Variants in SYCP2L observed in about 807,000 individuals in gnomAD.
SYCP2L encodes the protein synaptonemal complex protein 2 like, also known as synaptonemal complex protein 2-like.
A neutral mutation model predicts 125.8 loss-of-function variants in SYCP2L; 98 were observed. The observed-to-expected ratio is 0.78, with a 90% confidence interval of 0.66 to 0.92. The LOEUF (loss-of-function observed/expected upper bound fraction) is 0.92, where lower values mean the gene tolerates loss of function less well. SYCP2L is among the 40% of genes least tolerant of loss of function. The pLI is 0.00. For missense variants in SYCP2L, 842 were observed against 936.4 expected (o/e 0.90, Z 1.32); for synonymous variants, 317 against 325.4 (o/e 0.97, Z 0.28).
At position 10,924,499 on chromosome 6, in the gene SYCP2L, C is replaced by T. The variant is rs368602571; in HGVS notation, c.1076C>T (p.Thr359Met). Reference protein sequence around the residue: ...EAVMNFSITETEKIKIFIIYL... With the variant: ...EAVMNFSITEMEKIKIFIIYL... ...GATATTCCATATTTTCTCTTAGAAA[C>T]GGAGAAGATAAAGATATTTATCATT... Residue 359 changes from threonine to methionine, a missense_variant, in exon 15 of 30, where the codon ACG (threonine) becomes ATG (methionine). Transcript: ENST00000283141. 5.7e-5 allele frequency: 89 copies of T among 1,563,122 alleles called. No homozygotes were observed. Among genetic ancestry groups the T allele is most frequent in the African/African-American group, 2.5e-4 (18 of 71,768 alleles).
chr6:10,893,678 G>C (rs1780211042), intron 2 of SYCP2L, among the ~76,000 whole-genome samples, 189 bp from the exon 3 acceptor site: 1 of 152,124 alleles, frequency 6.6e-6, no homozygotes. Flanking sequence ...GGGAACTCTT[G>C]TCTTAAACCA....
At chr6:10,906,600 A>C (rs1215880640) in intron 9 of SYCP2L, among the ~76,000 whole-genome samples, 2 of 139,564 alleles carry the variant, frequency 1.4e-5, no homozygotes, top group African/African-American at 5.2e-5. Context: ...TGTAGTAGAA[A>C]CTTTTTTTTT....
At chr6:10,888,066 CTTTTTTTTTTTTTTTTTTTTT>C (rs70991066) in intron 1 of SYCP2L, among the ~76,000 whole-genome samples, 2,131 of 74,258 alleles carry the variant, frequency 0.029, 146 homozygotes, top group African/African-American at 0.065. Flanking sequence ...GTGTTACCAT[CTTTTTTTTTTTTTTTTTTTTT>C]TTTTTTTTTT....
At chr6:10,922,482 T>C (rs76116258) in intron 14 of SYCP2L, among the ~76,000 whole-genome samples, 29 of 151,420 alleles carry the variant, frequency 1.9e-4, no homozygotes, top group African/African-American at 6.6e-4. Context: ...TTTTTTTTTT[T>C]TGAGACGAAG....
intron 16 of SYCP2L, 104 bp from the exon 17 acceptor site, chr6:10,927,136 C>A: frequency 6.6e-7 from 1 of 1,507,250 alleles, no homozygotes; most frequent in Admixed American, 2.2e-5. Context: ...CCAGGTCTTA[C>A]CAAAGGATGG....
rs200568608 is a variant in SYCP2L at position 10,963,775 on chromosome 6, C to T, written c.2415-7C>T. 110 of 1,613,682 alleles carry T rather than the reference C, an allele frequency of 6.8e-5. No individual in the cohort carries two copies. The East Asian group carries it at 2.1e-3, about 31-fold the overall frequency. On this transcript the variant is annotated splice_region_variant and splice_polypyrimidine_tract_variant and intron_variant, in intron 28 of 29. Transcript: ENST00000283141. ...AATATAATAAGAGATGGACCAATTTCTTCCAGGTTCAATTCAACTCAGACT... is the reference window on the plus strand; with the variant it reads ...AATATAATAAGAGATGGACCAATTTTTTCCAGGTTCAATTCAACTCAGACT...
intron 23 of SYCP2L, among the ~76,000 whole-genome samples, chr6:10,952,385 G>A (rs1781426940): frequency 6.6e-6 from 1 of 152,176 alleles, no homozygotes; most frequent in African/African-American, 2.4e-5. Flanking sequence ...ATGATCCCTT[G>A]TTAGTAGGTT....
chr6:10,929,299 C>T (rs1298267261), intron 18 of SYCP2L, among the ~76,000 whole-genome samples: 1 of 152,094 alleles, frequency 6.6e-6, no homozygotes, highest in Non-Finnish European at 1.5e-5. Context: ...ACTGAAGGAG[C>T]CTAATGTTTG....
rs550103714 is a variant in SYCP2L at position 10,941,790 on chromosome 6, C to T, written c.1814-669C>T. On this transcript the variant is annotated intron_variant, in intron 21 of 29. Transcript: ENST00000283141. ...AACTAGAAATACCATTTGACCCAGCCATCCCATTACTGGGTATATACCCAA... is the reference window on the plus strand; with the variant it reads ...AACTAGAAATACCATTTGACCCAGCTATCCCATTACTGGGTATATACCCAA... 5.2e-3 allele frequency among the ~76,000 whole-genome samples: 787 copies of T among 152,238 alleles called. 4 individuals are homozygous for T. Among genetic ancestry groups the T allele is most frequent in the African/African-American group, 0.018 (733 of 41,514 alleles).
At chr6:10,957,722 T>C (rs1781523664) in intron 25 of SYCP2L, among the ~76,000 whole-genome samples, 1 of 152,136 alleles carries the variant, frequency 6.6e-6, no homozygotes, top group Non-Finnish European at 1.5e-5. Context: ...GAAGCTGAGG[T>C]AAGAGAATCC....
intron 9 of SYCP2L, among the ~76,000 whole-genome samples, chr6:10,906,660 C>T (rs1040627342): frequency 1.3e-4 from 20 of 151,030 alleles, no homozygotes; most frequent in African/African-American, 2.4e-4. Flanking sequence ...TGCAATGGCG[C>T]GATCTCGGCT....
chr6:10,940,806 T>C (rs745321560), intron 21 of SYCP2L, among the ~76,000 whole-genome samples: 7 of 152,146 alleles, frequency 4.6e-5, no homozygotes, highest in Non-Finnish European at 1.0e-4. Flanking sequence ...TGATAATCAT[T>C]ACACCGTATA....
chr6:10,902,864 A>G lies in SYCP2L; in HGVS notation c.553-11A>G, dbSNP rs1346131923. The G allele has an allele frequency of 1.9e-6, 3 of 1,613,930 alleles. No individual in the cohort carries two copies. Among genetic ancestry groups the G allele is most frequent in the Non-Finnish European group, 2.5e-6 (3 of 1,179,922 alleles). ...TTTCTTCTCCATGAATGTCTTCTCA[A>G]TTCCAAAAAGGGCTTGAAGACTTTT... On this transcript the variant is annotated splice_polypyrimidine_tract_variant and intron_variant, in intron 7 of 29. Transcript: ENST00000283141.
intron 29 of SYCP2L, among the ~76,000 whole-genome samples, chr6:10,971,502 T>C (rs1781773518): frequency 6.6e-6 from 1 of 151,684 alleles, no homozygotes; most frequent in Admixed American, 6.6e-5. Context: ...GGAGTTACTT[T>C]GTGAAACAAA....
chr6:10,891,241 ATTAT>A (rs1780166299), intron 1 of SYCP2L, among the ~76,000 whole-genome samples: 2 of 152,056 alleles, frequency 1.3e-5, no homozygotes, highest in African/African-American at 2.4e-5. Flanking sequence ...ATTTTGTGTG[ATTAT>A]TTATTCAAAT....
chr6:10,973,471 G>A (rs1235199480), intron 29 of SYCP2L, among the ~76,000 whole-genome samples: 1 of 152,190 alleles, frequency 6.6e-6, no homozygotes, highest in Non-Finnish European at 1.5e-5. Flanking sequence ...AGCAGAGGTT[G>A]CAGTAAGCCA....
intron 14 of SYCP2L, among the ~76,000 whole-genome samples, chr6:10,922,375 AGTAT>A: frequency 6.6e-6 from 1 of 151,854 alleles, no homozygotes; most frequent in East Asian, 1.9e-4. Context: ...TTGGCAGTGT[AGTAT>A]GTTGGAAGCT....
chr6:10,895,255 C>A (rs1399702214), intron 4 of SYCP2L, among the ~76,000 whole-genome samples: 2 of 152,118 alleles, frequency 1.3e-5, no homozygotes, highest in Non-Finnish European at 2.9e-5. Context: ...CCTAAGCTGA[C>A]CTTTTGGGGT....
intron 14 of SYCP2L, among the ~76,000 whole-genome samples, chr6:10,921,316 T>A (rs1234039583): frequency 6.6e-6 from 1 of 152,224 alleles, no homozygotes; most frequent in African/African-American, 2.4e-5. Context: ...GTCTTTGCTA[T>A]TGTGAATAGT....
Sources: allele counts gnomAD v4.1 joint callset (sites outside exome capture counted in the v4.1 genomes callset), GRCh38; gene constraint gnomAD v4.1.1; transcripts MANE v1.5; gene names NCBI Gene and HGNC (gene_info 2026-07-23, HGNC 2026-07-21).